SEMA5A: variants seen among roughly 807,000 people sequenced by gnomAD.
SEMA5A encodes semaphorin-5A.
A neutral mutation model predicts 135.5 loss-of-function variants in SEMA5A; 55 were observed. The ratio of observed to expected loss-of-function variants is 0.41; its 90% CI spans 0.33 to 0.51. SEMA5A has a LOEUF of 0.51. SEMA5A is among the 20% of genes least tolerant of loss of function. SEMA5A has a pLI of 0.37. For synonymous variants in SEMA5A, 580 were observed against 546.5 expected (o/e 1.06, Z -0.85); for missense variants, 1,290 against 1,419.9 (o/e 0.91, Z 1.47).
chr5:9,263,281 T>C (rs1579740630), intron 5 of SEMA5A, among the ~76,000 whole-genome samples: 1 of 152,304 alleles, frequency 6.6e-6, no homozygotes, highest in East Asian at 1.9e-4. Context: ...TCCTGGTCCA[T>C]GGCCTGTTAG....
intron 1 of SEMA5A, among the ~76,000 whole-genome samples, chr5:9,541,339 T>C (rs77836114): frequency 0.096 from 14,652 of 152,248 alleles, 948 homozygotes; most frequent in Non-Finnish European, 0.14. Flanking sequence ...ATTTTTCCAG[T>C]GTATACTTCC....
chr5:9,221,424 T>TC (rs1036966872), intron 8 of SEMA5A, among the ~76,000 whole-genome samples: 3 of 147,438 alleles, frequency 2.0e-5, no homozygotes, highest in African/African-American at 7.5e-5. Context: ...TGCCTCAGCC[T>TC]CCCGAGTAGC....
intron 13 of SEMA5A, among the ~76,000 whole-genome samples, chr5:9,129,857 G>C (rs897701793): frequency 6.6e-6 from 1 of 152,054 alleles, no homozygotes; most frequent in African/African-American, 2.4e-5. Flanking sequence ...GATATGAAAT[G>C]GGCTGAGATA....
intron 1 of SEMA5A, among the ~76,000 whole-genome samples, chr5:9,515,383 A>G (rs1736452508): frequency 1.3e-5 from 2 of 152,216 alleles, no homozygotes; most frequent in Non-Finnish European, 2.9e-5. Context: ...TTCGTCATGC[A>G]ACGGAAACTT....
At chr5:9,402,280 A>G (rs1279229051) in intron 2 of SEMA5A, among the ~76,000 whole-genome samples, 1 of 152,202 alleles carries the variant, frequency 6.6e-6, no homozygotes, top group African/African-American at 2.4e-5. Context: ...GGCTCTTGCA[A>G]AAGTGGAGTG....
At chr5:9,220,458 A>G (rs1001059819) in intron 8 of SEMA5A, among the ~76,000 whole-genome samples, 2 of 152,198 alleles carry the variant, frequency 1.3e-5, no homozygotes, top group Non-Finnish European at 2.9e-5. Context: ...AAAACTAAGA[A>G]AAAACAACAA....
At chr5:9,072,188 G>A (rs1737805301) in intron 16 of SEMA5A, among the ~76,000 whole-genome samples, 1 of 152,144 alleles carries the variant, frequency 6.6e-6, no homozygotes, top group South Asian at 2.1e-4. Context: ...GGCAATGAAG[G>A]TCAGTGATCA....
At chr5:9,461,060 G>T (rs1354578345) in intron 1 of SEMA5A, among the ~76,000 whole-genome samples, 1 of 152,126 alleles carries the variant, frequency 6.6e-6, no homozygotes, top group African/African-American at 2.4e-5. Context: ...GTATAGACAG[G>T]CTCACTGTAA....
At chr5:9,320,172 C>T (rs1451150827) in intron 4 of SEMA5A, among the ~76,000 whole-genome samples, 4 of 152,178 alleles carry the variant, frequency 2.6e-5, no homozygotes, top group African/African-American at 9.6e-5. Flanking sequence ...CAGCAATAGT[C>T]TCCTTACCAC....
At chr5:9,150,700 G>T (rs114346310) in intron 12 of SEMA5A, among the ~76,000 whole-genome samples, 1 of 152,176 alleles carries the variant, frequency 6.6e-6, no homozygotes, top group East Asian at 1.9e-4. Flanking sequence ...GAATAACCAG[G>T]GAATGGAGAC....
chr5:9,210,399 A>G (rs575723164), intron 8 of SEMA5A, among the ~76,000 whole-genome samples: 61 of 152,316 alleles, frequency 4.0e-4, no homozygotes, highest in African/African-American at 1.4e-3. Context: ...AAAGGTCTGC[A>G]TTAAATTACC....
At chr5:9,493,430 T>C (rs1299405729) in intron 1 of SEMA5A, among the ~76,000 whole-genome samples, 2 of 151,994 alleles carry the variant, frequency 1.3e-5, no homozygotes. Flanking sequence ...TTGCCTAGTT[T>C]GATCACTGTG....
intron 16 of SEMA5A, among the ~76,000 whole-genome samples, chr5:9,066,940 G>A (rs1737507966): frequency 6.6e-6 from 1 of 152,058 alleles, no homozygotes; most frequent in Non-Finnish European, 1.5e-5. Flanking sequence ...CATAAAAATC[G>A]TCTTCCTTTC....
chr5:9,453,103 C>T (rs1245534661), intron 1 of SEMA5A, among the ~76,000 whole-genome samples: 1 of 152,194 alleles, frequency 6.6e-6, no homozygotes, highest in African/African-American at 2.4e-5. Flanking sequence ...GGAGTCAGAT[C>T]AGTCTAGATG....
intron 3 of SEMA5A, among the ~76,000 whole-genome samples, chr5:9,348,988 T>C (rs763024017): frequency 5.9e-5 from 9 of 152,236 alleles, no homozygotes; most frequent in Non-Finnish European, 1.3e-4. Flanking sequence ...ATTCTCACAA[T>C]TCACACGTAA....
intron 5 of SEMA5A, among the ~76,000 whole-genome samples, chr5:9,292,278 C>T (rs182083628): frequency 2.6e-5 from 4 of 152,250 alleles, no homozygotes; most frequent in African/African-American, 9.6e-5. Context: ...ATTTCAAACA[C>T]GGTAGTTACC....
rs1217903768 is a variant in SEMA5A, at chr5:9,545,205, G to A, written c.-175+379C>T. Among the ~76,000 whole-genome samples the A allele has an allele frequency of 1.3e-5, 2 of 152,016 alleles. No homozygotes were observed. The highest frequency in any genetic ancestry group is 4.8e-5 in the African/African-American group (2 of 41,400). On this transcript the variant is annotated intron_variant, in intron 1 of 22. Coordinates refer to ENST00000382496, the MANE Select transcript of SEMA5A (RefSeq NM_003966.3). The surrounding 1 kb of genome is among the most constrained non-coding windows in gnomAD (Gnocchi z 4.5). ...TCCGTGTCCCCTGCCCCCGGCTCGC[G>A]GCAGTGCGAGCCTGGAGGCGCGCCG...
chr5:9,338,254 G>T (rs965559733), intron 3 of SEMA5A, among the ~76,000 whole-genome samples: 1 of 152,170 alleles, frequency 6.6e-6, no homozygotes, highest in African/African-American at 2.4e-5. Flanking sequence ...AGCATCATTT[G>T]CCTTCTTTCA....
At chr5:9,058,124 T>C (rs550285022) in intron 18 of SEMA5A, among the ~76,000 whole-genome samples, 2 of 152,280 alleles carry the variant, frequency 1.3e-5, no homozygotes, top group South Asian at 4.1e-4. Context: ...AATAGATTTT[T>C]TTCCCCTGCT....
Sources: allele counts gnomAD v4.1 joint callset (sites outside exome capture counted in the v4.1 genomes callset), GRCh38; gene constraint gnomAD v4.1.1; non-coding constraint Gnocchi (gnomAD v3.1); transcripts MANE v1.5; gene names NCBI Gene and HGNC (gene_info 2026-07-23, HGNC 2026-07-21).